TMEM232: variants seen among roughly 807,000 people sequenced by gnomAD.
TMEM232 encodes transmembrane protein 232.
A neutral mutation model predicts 78.8 loss-of-function variants in TMEM232; 80 were observed. That is an observed-to-expected ratio of 1.01 (90% CI 0.85 to 1.22). TMEM232 has a LOEUF of 1.22. Ranked by LOEUF, TMEM232 falls within the 50% of genes most tolerant of loss-of-function variation. The probability of loss-of-function intolerance (pLI) is 0.00; values close to 1 mark genes in which losing one functional copy is unlikely to be tolerated. For synonymous variants in TMEM232, 297 were observed against 254.3 expected (o/e 1.17, Z -1.60); for missense variants, 881 against 742.2 (o/e 1.19, Z -2.17).
intron 2 of TMEM232, among the ~76,000 whole-genome samples, chr5:110,409,234 C>T (rs1175550917): frequency 1.3e-5 from 2 of 152,108 alleles, no homozygotes; most frequent in African/African-American, 4.8e-5. Context: ...TGTCTGTCTG[C>T]ACACAAACTC....
chr5:110,511,949 C>T (rs1767812237), intron 12 of TMEM232, among the ~76,000 whole-genome samples: 1 of 152,138 alleles, frequency 6.6e-6, no homozygotes. Context: ...ACCATAGGAA[C>T]CTGCACATTC....
At chr5:110,509,002 A>ATATGTATATATATAAAATTATATATGTG (rs1554094397) in intron 12 of TMEM232, among the ~76,000 whole-genome samples, 1 of 130,140 alleles carries the variant, frequency 7.7e-6, no homozygotes, top group African/African-American at 3.8e-5. Context: ...ATATATGTAT[A>ATATGTATATATATAAAATTATATATGTG]TATATATGTA....
chr5:110,695,581 G>A (rs998356860), intron 1 of TMEM232, among the ~76,000 whole-genome samples: 28 of 151,994 alleles, frequency 1.8e-4, no homozygotes, highest in Non-Finnish European at 3.8e-4. Flanking sequence ...AGAAAAGAGA[G>A]AAGAATCAAA....
At chr5:110,389,667 G>A (rs1305731449) in intron 4 of TMEM232, among the ~76,000 whole-genome samples, 1 of 152,170 alleles carries the variant, frequency 6.6e-6, no homozygotes, top group African/African-American at 2.4e-5. Context: ...ATTAGAATAA[G>A]CCTTTCAAAG....
chr5:110,730,473 T>C (rs541801118), upstream of TMEM232, among the ~76,000 whole-genome samples: 1 of 152,336 alleles, frequency 6.6e-6, no homozygotes, highest in Non-Finnish European at 1.5e-5. Flanking sequence ...TTCTATTTGA[T>C]ACTGTATTAG....
intron 12 of TMEM232, among the ~76,000 whole-genome samples, chr5:110,493,961 T>C (rs866411596): frequency 3.3e-5 from 5 of 151,970 alleles, no homozygotes; most frequent in Admixed American, 2.0e-4. Context: ...CCCCAGTGTG[T>C]GATGTTCCCC....
chr5:110,442,015 G>A (rs574791053), intron 12 of TMEM232, among the ~76,000 whole-genome samples: 1 of 151,418 alleles, frequency 6.6e-6, no homozygotes, highest in Non-Finnish European at 1.5e-5. Flanking sequence ...CCATGTATGT[G>A]GCTTCTTCTC....
intron 7 of TMEM232, among the ~76,000 whole-genome samples, chr5:110,623,377 A>C (rs1162437718): frequency 2.0e-5 from 3 of 152,212 alleles, no homozygotes; most frequent in Non-Finnish European, 4.4e-5. Flanking sequence ...TCAAGTGGCC[A>C]AAGTATAGTG....
intron 12 of TMEM232, among the ~76,000 whole-genome samples, chr5:110,490,121 A>AAAAGAAAGAAAGAAAGAAAGAAAG (rs201189138): frequency 5.0e-4 from 55 of 110,538 alleles, no homozygotes; most frequent in East Asian, 3.3e-3. Context: ...CTCCGTTTCA[A>AAAAGAAAGAAAGAAAGAAAGAAAG]AAAGAAAGAA....
At chr5:110,531,825 T>G (rs1752891823) in intron 11 of TMEM232, among the ~76,000 whole-genome samples, 1 of 152,222 alleles carries the variant, frequency 6.6e-6, no homozygotes, top group Admixed American at 6.5e-5. Flanking sequence ...TTTACAGCCC[T>G]AGACCCTAAG....
At chr5:110,653,184 A>T (rs1301832380) in intron 2 of TMEM232, among the ~76,000 whole-genome samples, 2 of 152,250 alleles carry the variant, frequency 1.3e-5, no homozygotes, top group Non-Finnish European at 2.9e-5. Flanking sequence ...GTGATGAAAC[A>T]TAAGGAGATG....
intron 10 of TMEM232, among the ~76,000 whole-genome samples, chr5:110,575,842 C>T (rs1327685154): frequency 1.3e-5 from 2 of 151,996 alleles, no homozygotes; most frequent in South Asian, 4.1e-4. Flanking sequence ...GGCCTACAGT[C>T]TGACACAGGG....
intron 1 of TMEM232, among the ~76,000 whole-genome samples, chr5:110,690,450 C>A (rs111592389): frequency 6.6e-6 from 1 of 152,040 alleles, no homozygotes; most frequent in South Asian, 2.1e-4. Flanking sequence ...CTTAGAATGG[C>A]GATCATTAAA....
chr5:110,579,980 G>A (rs6896189), intron 10 of TMEM232, among the ~76,000 whole-genome samples: 98 of 151,504 alleles, frequency 6.5e-4, no homozygotes, highest in African/African-American at 2.0e-3. Context: ...GACATTCTAC[G>A]CAAATGATAA....
intron 10 of TMEM232, among the ~76,000 whole-genome samples, chr5:110,581,570 G>A (rs73222686): frequency 2.2e-3 from 331 of 151,922 alleles, no homozygotes; most frequent in African/African-American, 7.3e-3. Flanking sequence ...AATCCTAGAA[G>A]AAAACCTAAG....
chr5:110,614,383 T>C (rs1782677445), intron 8 of TMEM232, among the ~76,000 whole-genome samples: 1 of 152,112 alleles, frequency 6.6e-6, no homozygotes, highest in African/African-American at 2.4e-5. Context: ...TGGCCTCAGT[T>C]TCTTTATTTT....
At chr5:110,477,860 G>A (rs976984089) in intron 12 of TMEM232, among the ~76,000 whole-genome samples, 6 of 149,132 alleles carry the variant, frequency 4.0e-5, no homozygotes, top group Non-Finnish European at 7.4e-5. Context: ...CTCTGAAAAT[G>A]TAAGTTTTGC....
intron 2 of TMEM232, among the ~76,000 whole-genome samples, chr5:110,666,021 C>A (rs1790538294): frequency 6.6e-6 from 1 of 151,990 alleles, no homozygotes; most frequent in Admixed American, 6.6e-5. Flanking sequence ...TAGGTTATAG[C>A]AAGGTTATAA....
Position 110,419,588 on chromosome 5 carries a change from G to T in TMEM232, c.*992C>A, listed in dbSNP as rs1171944628. Among the ~76,000 whole-genome samples the T allele has an allele frequency of 3.3e-5, 5 of 152,014 alleles. No individual in the cohort carries two copies. The highest frequency in any genetic ancestry group is 5.9e-5 in the Non-Finnish European group (4 of 67,948). On this transcript the variant is annotated 3_prime_UTR_variant, in exon 14 of 14. Transcript: ENST00000455884. ...ATTTTACAATACTGACATACATTTT[G>T]GAATGTAACCGAGTGATGGGAAATT...
Sources: gnomAD v4.1 joint callset for allele counts (sites outside exome capture counted in the v4.1 genomes callset) on GRCh38, gnomAD v4.1.1 for gene constraint, MANE v1.5 for transcripts, NCBI Gene and HGNC (gene_info 2026-07-23, HGNC 2026-07-21) for gene names.